Variants in SPTLC2 observed in about 807,000 individuals in gnomAD.
SPTLC2 encodes the protein serine palmitoyltransferase long chain base subunit 2.
SPTLC2 carries 21 observed loss-of-function variants against 62.0 expected under a neutral mutation model. That is an observed-to-expected ratio of 0.34 (90% CI 0.24 to 0.49). The LOEUF (loss-of-function observed/expected upper bound fraction) is 0.49, where lower values mean the gene tolerates loss of function less well. Ranked by LOEUF, SPTLC2 falls within the 20% of genes least tolerant of loss-of-function variation. The pLI is 0.99. For synonymous variants in SPTLC2, 261 were observed against 261.8 expected (o/e 1.00, Z 0.03); for missense variants, 511 against 713.0 (o/e 0.72, Z 3.23).
intron 9 of SPTLC2, among the ~76,000 whole-genome samples, chr14:77,541,537 A>G (rs989935403): frequency 6.6e-6 from 1 of 152,216 alleles, no homozygotes; most frequent in Admixed American, 6.5e-5. Context: ...CGGGGGGTCC[A>G]TGTGGAAATG....
chr14:77,543,028 C>T (rs1033969288), intron 9 of SPTLC2, among the ~76,000 whole-genome samples: 1 of 152,170 alleles, frequency 6.6e-6, no homozygotes, highest in African/African-American at 2.4e-5. Context: ...CGGGTGCCAA[C>T]CCACAGGCAG....
chr14:77,560,713 A>G (rs2079610142), intron 6 of SPTLC2, among the ~76,000 whole-genome samples: 1 of 152,108 alleles, frequency 6.6e-6, no homozygotes, highest in Non-Finnish European at 1.5e-5. Flanking sequence ...TTGCAGCAAC[A>G]TGGATGCAGC....
intron 9 of SPTLC2, among the ~76,000 whole-genome samples, chr14:77,524,406 T>C (rs2079399009): frequency 2.0e-5 from 3 of 151,656 alleles, no homozygotes; most frequent in Admixed American, 6.6e-5. Flanking sequence ...ACAAACCTTT[T>C]AGCTATCTAA....
At chr14:77,531,628 CTCAGCCTCCTGAGTAGCT>C (rs987749443) in intron 9 of SPTLC2, among the ~76,000 whole-genome samples, 1 of 152,068 alleles carries the variant, frequency 6.6e-6, no homozygotes, top group African/African-American at 2.4e-5. Flanking sequence ...ATTCTCCTCC[CTCAGCCTCCTGAGTAGCT>C]GGGATTAAGG....
At chr14:77,593,455 A>T (rs2140053249) in intron 2 of SPTLC2, among the ~76,000 whole-genome samples, 1 of 152,290 alleles carries the variant, frequency 6.6e-6, no homozygotes, top group East Asian at 1.9e-4. Context: ...GTGTTTCTGA[A>T]CTACTAGCTT....
intron 9 of SPTLC2, among the ~76,000 whole-genome samples, chr14:77,551,021 A>G (rs1441522518): frequency 2.6e-5 from 4 of 152,158 alleles, no homozygotes; most frequent in African/African-American, 9.7e-5. Flanking sequence ...AAAGTATTAC[A>G]TAACTGTAGA....
chr14:77,609,984 ACT>A (rs900626937), intron 1 of SPTLC2, among the ~76,000 whole-genome samples: 7 of 152,218 alleles, frequency 4.6e-5, no homozygotes, highest in African/African-American at 1.7e-4. Context: ...CCACATGCTA[ACT>A]CTATGTTTAA....
chr14:77,518,830 T>G (rs2079371617), intron 10 of SPTLC2, among the ~76,000 whole-genome samples: 1 of 152,162 alleles, frequency 6.6e-6, no homozygotes, highest in South Asian at 2.1e-4. Flanking sequence ...TTTAATTGTC[T>G]TGGGAACAAC....
chr14:77,607,087 T>C (rs538151455), intron 1 of SPTLC2, among the ~76,000 whole-genome samples: 1 of 152,010 alleles, frequency 6.6e-6, no homozygotes, highest in African/African-American at 2.4e-5. Flanking sequence ...TTGTTTGTTT[T>C]TTTAAGAGAA....
chr14:77,516,108 T>A (rs1594966600), intron 11 of SPTLC2, among the ~76,000 whole-genome samples: 1 of 149,290 alleles, frequency 6.7e-6, no homozygotes, highest in African/African-American at 2.4e-5. Flanking sequence ...TATCTCATAA[T>A]GGTCTAGTAC....
intron 7 of SPTLC2, 54 bp from the exon 8 acceptor site, chr14:77,555,573 A>G (rs1254058734): frequency 1.3e-6 from 2 of 1,553,052 alleles, no homozygotes; most frequent in Non-Finnish European, 8.8e-7. Flanking sequence ...GACTTTTTAA[A>G]TCAAAATTGG....
chr14:77,569,268 C>G (rs1412589130), intron 5 of SPTLC2, among the ~76,000 whole-genome samples: 1 of 151,944 alleles, frequency 6.6e-6, no homozygotes, highest in East Asian at 1.9e-4. Flanking sequence ...AAATAGGTTG[C>G]TATTTTACAT....
intron 11 of SPTLC2, among the ~76,000 whole-genome samples, chr14:77,517,791 A>T (rs2079366272): frequency 6.6e-6 from 1 of 152,038 alleles, no homozygotes; most frequent in Admixed American, 6.6e-5. Context: ...TGGAAAGAGA[A>T]TTGTAGAGTC....
chr14:77,524,742 T>G (rs1420660836), intron 9 of SPTLC2, among the ~76,000 whole-genome samples: 2 of 152,178 alleles, frequency 1.3e-5, no homozygotes, highest in Non-Finnish European at 2.9e-5. Context: ...TTAAGTGAAA[T>G]GAGCCAGGCA....
Sources: allele counts gnomAD v4.1 joint callset (sites outside exome capture counted in the v4.1 genomes callset), GRCh38; gene constraint gnomAD v4.1.1; transcripts MANE v1.5; gene names NCBI Gene and HGNC (gene_info 2026-07-23, HGNC 2026-07-21).